NEK2: variants seen among roughly 807,000 people sequenced by gnomAD.
NEK2 encodes NIMA related kinase 2, also known as serine/threonine-protein kinase Nek2.
In NEK2, 28 loss-of-function variants were observed where a neutral mutation model predicts 54.1. That is an observed-to-expected ratio of 0.52 (90% CI 0.38 to 0.71). The LOEUF (loss-of-function observed/expected upper bound fraction) is 0.71. Among genes scored for constraint, NEK2 ranks in the 30% least tolerant of loss-of-function variants. The pLI is 0.00. For missense variants in NEK2, 407 were observed against 531.5 expected (o/e 0.77, Z 2.30); for synonymous variants, 176 against 193.1 (o/e 0.91, Z 0.73).
intron 7 of NEK2, among the ~76,000 whole-genome samples, chr1:211,665,810 A>T (rs897119425): frequency 6.6e-6 from 1 of 152,190 alleles, no homozygotes; most frequent in Non-Finnish European, 1.5e-5. Flanking sequence ...AGTTATTGTG[A>T]TCATCAATCT....
At chr1:211,658,558 T>G (rs367571227), downstream of NEK2, 258 of 405,432 alleles carry the variant, frequency 6.4e-4, 2 homozygotes, top group African/African-American at 4.9e-3. Flanking sequence ...GTGGGAGGAT[T>G]GCTTGAGCCC....
rs754431028 is a variant in NEK2 at position 211,674,519 on chromosome 1, A to C, written c.97-6T>G. The C allele has an allele frequency of 6.3e-7, 1 of 1,593,510 alleles. No homozygotes were observed. The highest frequency in any genetic ancestry group is 8.6e-7 in the Non-Finnish European group (1 of 1,166,530). ...AGTTCTTTCCAAACTAATATCTGAA[A>C]TAAGAATTTCCAAGGTATGAATGAA... On this transcript the variant is annotated splice_region_variant and splice_polypyrimidine_tract_variant and intron_variant, in intron 1 of 7. Transcript: ENST00000366999.
In NEK2 at chr1:211,671,271, C is replaced by T. The variant is rs139313101; in HGVS notation, c.569G>A (p.Arg190His). ...ATCTGATTTCTCATTGTAGGACATGCGATTCATTTGTTCCTATACAGGGAA... is the reference window on the plus strand; with the variant it reads ...ATCTGATTTCTCATTGTAGGACATGTGATTCATTTGTTCCTATACAGGGAA... Reference protein sequence around the residue: ...PYYMSPEQMNRMSYNEKSDIW... With the variant: ...PYYMSPEQMNHMSYNEKSDIW... The change falls in exon 4 of 8, where the codon CGC (arginine) becomes CAC (histidine). Residue 190 changes from arginine to histidine, a missense_variant. By Grantham distance (29) the Arg-to-His change is conservative. Transcript: ENST00000366999. 778 of 1,612,734 alleles carry T rather than the reference C, an allele frequency of 4.8e-4. 4 individuals are homozygous for T. In the African/African-American group the frequency reaches 8.6e-3, roughly 18 times the overall value.
intron 6 of NEK2, among the ~76,000 whole-genome samples, chr1:211,667,741 T>G (rs1207594076): frequency 2.0e-5 from 3 of 152,168 alleles, no homozygotes. Flanking sequence ...AGTATTCAGA[T>G]TTCAGTTGCT....
intron 6 of NEK2, among the ~76,000 whole-genome samples, chr1:211,667,925 A>C (rs1655230617): frequency 6.6e-6 from 1 of 152,146 alleles, no homozygotes; most frequent in African/African-American, 2.4e-5. Context: ...AGGCGCCTGT[A>C]ATCCCAGCTA....
rs1655070884 is a variant in NEK2, at chr1:211,663,392, C to T, written c.*34G>A. 6.3e-7 allele frequency: 1 copy of T among 1,582,904 alleles called. No homozygotes were observed. Among genetic ancestry groups the T allele is most frequent in the Non-Finnish European group, 8.6e-7 (1 of 1,161,652 alleles). On this transcript the variant is annotated 3_prime_UTR_variant, in exon 8 of 8. Transcript: ENST00000366999. ...CAGTCTTTAAAGGTTGGTAATATTA[C>T]ATCCTGTACACAGCTCTGTGTCTCT...
intron 1 of NEK2, among the ~76,000 whole-genome samples, chr1:211,674,999 G>A (rs190942014): frequency 9.9e-5 from 15 of 152,284 alleles, no homozygotes; most frequent in Admixed American, 3.9e-4. Flanking sequence ...GATATTTTGA[G>A]GGAGTCTGAC....
intron 7 of NEK2, among the ~76,000 whole-genome samples, chr1:211,664,689 A>G (rs564158210): frequency 6.6e-6 from 1 of 152,354 alleles, no homozygotes; most frequent in African/African-American, 2.4e-5. Flanking sequence ...CCCGCTTCAT[A>G]CGTCGCTTCT....
chr1:211,664,502 A>G (rs1366046852), intron 7 of NEK2, among the ~76,000 whole-genome samples: 1 of 152,176 alleles, frequency 6.6e-6, no homozygotes, highest in Non-Finnish European at 1.5e-5. Context: ...ATTAGGAAAA[A>G]TAGCTCTGGA....
Position 211,663,453 on chromosome 1 carries a change from T to A in NEK2, c.1311A>T (p.Lys437Asn), listed in dbSNP as rs554798094. ...LSDIEKNYQL[K>N]SRQILGMR ...AGCGCATGCCCAGGATCTGTCTGCT[T>A]TTCAGTTGGTAATTTTTCTCAATAT... The change falls in exon 8 of 8, where the codon AAA becomes AAT. Residue 437 changes from lysine to asparagine, a missense_variant. Physicochemically the swap from Lys to Asn is moderately conservative, Grantham distance 94 (BLOSUM62 0). Transcript: ENST00000366999. 2 of 1,613,530 alleles carry A rather than the reference T, an allele frequency of 1.2e-6. No individual in the cohort carries two copies. Among genetic ancestry groups the A allele is most frequent in the East Asian group, 4.5e-5 (2 of 44,892 alleles).
chr1:211,670,277 T>C lies in NEK2; in HGVS notation c.765+4A>G. 6.2e-7 allele frequency: 1 copy of C among 1,608,090 alleles called. No homozygotes were observed. Among genetic ancestry groups the C allele is most frequent in the Non-Finnish European group, 8.5e-7 (1 of 1,177,194 alleles). ...CAGACAATATATCATCTTATCATCT[T>C]TACCTTTAAGTTTAACATCCTCGTA... On this transcript the variant is annotated splice_donor_region_variant and intron_variant, in intron 5 of 7. Transcript: ENST00000366999.
Position 211,673,473 on chromosome 1 carries a change from A to C in NEK2, c.555+10T>G, listed in dbSNP as rs749743068. 1 of 1,608,916 alleles carries C rather than the reference A, an allele frequency of 6.2e-7. No individual in the cohort carries two copies. Among genetic ancestry groups the C allele is most frequent in the South Asian group, 1.1e-5 (1 of 90,732 alleles). ...TGTTTTAAAAAGTAGCTAAATTCTGAAATACTTACAGGAGACATGTAATAA... is the reference window on the plus strand; with the variant it reads ...TGTTTTAAAAAGTAGCTAAATTCTGCAATACTTACAGGAGACATGTAATAA... On this transcript the variant is annotated intron_variant, in intron 3 of 7. Coordinates refer to ENST00000366999, the MANE Select transcript of NEK2 (RefSeq NM_002497.4).
At chr1:211,661,311 G>C (rs1354990042), downstream of NEK2, 1 of 521,318 alleles carries the variant, frequency 1.9e-6, no homozygotes, top group African/African-American at 1.9e-5. Context: ...CTAAACTGAA[G>C]TTTTTGTCAT....
intron 5 of NEK2, among the ~76,000 whole-genome samples, chr1:211,669,794 C>T (rs1007421960): frequency 3.3e-5 from 5 of 152,182 alleles, no homozygotes; most frequent in African/African-American, 1.2e-4. Flanking sequence ...CAGAACATCT[C>T]CTTCCCCATT....
chr1:211,670,273 A>C lies in NEK2; in HGVS notation c.765+8T>G. 2 of 1,607,364 alleles carry C rather than the reference A, an allele frequency of 1.2e-6. No homozygotes were observed. Among genetic ancestry groups the C allele is most frequent in the Non-Finnish European group, 1.7e-6 (2 of 1,176,696 alleles). On this transcript the variant is annotated splice_region_variant and intron_variant, in intron 5 of 7. Transcript: ENST00000366999. ...GAAACAGACAATATATCATCTTATC[A>C]TCTTTACCTTTAAGTTTAACATCCT... is the stretch of plus-strand genomic sequence containing the variant.
downstream of NEK2, chr1:211,660,313 A>G: frequency 2.1e-6 from 1 of 474,734 alleles, no homozygotes. Context: ...CTCATACTGC[A>G]AGAACACGGC....
chr1:211,666,449 C>T, intron 7 of NEK2: 1 of 923,092 alleles, frequency 1.1e-6, no homozygotes, highest in Non-Finnish European at 1.3e-6. Context: ...ACTTGAAATG[C>T]AGTTTATCTC....
chr1:211,670,496 G>A (rs1655339941), intron 4 of NEK2, 89 bp from the exon 5 acceptor site: 1 of 1,378,472 alleles, frequency 7.3e-7, no homozygotes, highest in Non-Finnish European at 1.0e-6. Flanking sequence ...CAAAAGCACA[G>A]CTTAAGCTCC....
rs701929 is a variant in NEK2, at chr1:211,673,534, A to G, written c.504T>C (p.His168=). ...GDFGLARILN[H]DTSFAKTFVG... ...CAAATGTTTTTGCAAAACTCGTGTCATGGTTTAATATTCTAGCTAGCCCAA... is the reference window on the plus strand; with the variant it reads ...CAAATGTTTTTGCAAAACTCGTGTCGTGGTTTAATATTCTAGCTAGCCCAA... Residue 168 remains histidine (H), a synonymous_variant, in exon 3 of 8, where the codon CAT becomes CAC. Coordinates refer to ENST00000366999, the MANE Select transcript of NEK2 (RefSeq NM_002497.4). The G allele has an allele frequency of 0.51, 824,141 of 1,613,692 alleles. 215,163 individuals are homozygous for G. The highest frequency in any genetic ancestry group is 0.74 in the East Asian group (33,198 of 44,882).
Sources: gnomAD v4.1 joint callset for allele counts (sites outside exome capture counted in the v4.1 genomes callset) on GRCh38, gnomAD v4.1.1 for gene constraint, MANE v1.5 for transcripts, NCBI Gene and HGNC (gene_info 2026-07-23, HGNC 2026-07-21) for gene names.